Variants in DNAH9 observed in about 807,000 individuals in gnomAD.
DNAH9 encodes the protein dynein axonemal heavy chain 9, also known as DNAH9 variant protein.
A neutral mutation model predicts 471.6 loss-of-function variants in DNAH9; 345 were observed. That is an observed-to-expected ratio of 0.73 (90% confidence interval 0.67 to 0.80). DNAH9 has a LOEUF of 0.80. DNAH9 is among the 30% of genes least tolerant of loss of function. DNAH9 has a pLI of 0.00. For missense variants in DNAH9, 5,407 were observed against 5,609.2 expected, an observed-to-expected ratio of 0.96 and a Z score of 1.15; for synonymous variants, 2,093 against 2,123.6, an observed-to-expected ratio of 0.99 and a Z score of 0.40.
chr17:11,965,028 A>G (rs1012217040), intron 68 of DNAH9, among the ~76,000 whole-genome samples: 1 of 152,228 alleles, frequency 6.6e-6, no homozygotes, highest in Admixed American at 6.5e-5. Flanking sequence ...GAAGCAGTAG[A>G]TAATAGTGGT....
At chr17:11,757,423 TCTC>T in intron 34 of DNAH9, 119 bp from the exon 35 acceptor site, 1 of 930,732 alleles carries the variant, frequency 1.1e-6, no homozygotes, top group South Asian at 1.8e-5. Flanking sequence ...CTTGGCCAAA[TCTC>T]CTTTTCTTTT....
At chr17:11,825,454 T>A (rs1452538457) in intron 48 of DNAH9, among the ~76,000 whole-genome samples, 1 of 152,180 alleles carries the variant, frequency 6.6e-6, no homozygotes, top group Non-Finnish European at 1.5e-5. Flanking sequence ...ATAGGAAAAA[T>A]ACTTTGATCC....
chr17:11,956,186 G>T (rs1220447908), intron 67 of DNAH9, among the ~76,000 whole-genome samples: 4 of 152,018 alleles, frequency 2.6e-5, no homozygotes, highest in African/African-American at 9.7e-5. Context: ...TCAAAAGAAA[G>T]TTGTAGAGGC....
chr17:11,856,826 C>G (rs1308525646), intron 50 of DNAH9, among the ~76,000 whole-genome samples: 2 of 152,124 alleles, frequency 1.3e-5, no homozygotes, highest in South Asian at 4.1e-4. Context: ...ACAATTGCTC[C>G]CTTCAAAGAA....
intron 59 of DNAH9, among the ~76,000 whole-genome samples, chr17:11,901,800 T>C (rs1417498826): frequency 6.6e-6 from 1 of 152,222 alleles, no homozygotes; most frequent in East Asian, 1.9e-4. Flanking sequence ...AGTTTATGAA[T>C]TTGTATTGGG....
intron 28 of DNAH9, among the ~76,000 whole-genome samples, chr17:11,732,825 C>T (rs1478797580): frequency 6.6e-6 from 1 of 152,144 alleles, no homozygotes; most frequent in Middle Eastern, 3.2e-3. Flanking sequence ...GCCAGGCCTT[C>T]CTGGCACTTT....
intron 36 of DNAH9, among the ~76,000 whole-genome samples, chr17:11,766,159 C>CA (rs1242699504): frequency 1.3e-5 from 2 of 151,914 alleles, no homozygotes; most frequent in Non-Finnish European, 2.9e-5. Flanking sequence ...AGCTAAACAC[C>CA]AAAAATAGTG....
intron 67 of DNAH9, among the ~76,000 whole-genome samples, chr17:11,952,228 C>T (rs1975399122): frequency 6.9e-6 from 1 of 145,638 alleles, no homozygotes; most frequent in Non-Finnish European, 1.5e-5. Context: ...CAACCTCTAC[C>T]TTCTAGGTTC....
chr17:11,615,295 A>G (rs1189757233), intron 4 of DNAH9, among the ~76,000 whole-genome samples: 1 of 152,172 alleles, frequency 6.6e-6, no homozygotes, highest in Non-Finnish European at 1.5e-5. Flanking sequence ...TTAAAAAGGT[A>G]TGAGCTCGGC....
rs1192529545 is a variant in DNAH9 at position 11,859,082 on chromosome 17, CT to C, written c.9933+4655del. ...ATGGGCAGCAAGAGGGAAACCCCGT[CT>C]CAAAAAAAAAAAAAAAAAAAAAGAG... is the stretch of plus-strand genomic sequence containing the variant. On this transcript the variant is annotated intron_variant, in intron 50 of 68. Transcript: ENST00000262442. Among the ~76,000 whole-genome samples, 15 of 73,152 alleles carry C rather than the reference CT, an allele frequency of 2.1e-4. 1 individual carries two copies. The highest frequency in any genetic ancestry group is 0.011 in the Middle Eastern group (1 of 92). The allele number at this position is 73,152 out of a possible 152,430, so 48.0% of individuals were successfully genotyped here.
At chr17:11,857,827 C>T (rs1192713092) in intron 50 of DNAH9, among the ~76,000 whole-genome samples, 1 of 152,068 alleles carries the variant, frequency 6.6e-6, no homozygotes, top group African/African-American at 2.4e-5. Flanking sequence ...GCACCTGCCC[C>T]CCGCAACTCC....
At position 11,891,759 on chromosome 17, in the gene DNAH9, C is replaced by T. The variant is rs757330007; in HGVS notation, c.11113-18C>T. The stretch of plus-strand genomic sequence containing the variant: ...AGAGGGCTGTGTACCTTACCAGTTT[C>T]CTGTCTTCTGTCCCCAGGCCTTCAG... On this transcript the variant is annotated intron_variant, in intron 57 of 68. Transcript: ENST00000262442. 6.2e-7 allele frequency: 1 copy of T among 1,612,668 alleles called. No homozygotes were observed. The highest frequency in any genetic ancestry group is 1.3e-5 in the African/African-American group (1 of 74,844).
intron 6 of DNAH9, 48 bp downstream of exon 6, chr17:11,619,829 C>A: frequency 8.7e-7 from 1 of 1,148,642 alleles, no homozygotes; most frequent in Admixed American, 1.7e-5. Flanking sequence ...CAGAAAGAAG[C>A]AGTCCAGGGG....
rs753883115 is a variant in DNAH9, at chr17:11,769,304, C to G, written c.7527C>G (p.Tyr2509Ter). The change falls in exon 38 of 69, where the codon TAC (tyrosine) becomes TAG (stop). Residue 2509 changes from tyrosine to a stop codon, truncating the protein, a stop_gained. Transcript: ENST00000262442. LOFTEE classifies it high-confidence loss of function. ...TGGTGAAAAACGTGCCATTCAACTA[C>G]TACACCACGTCAGCAATGCTGCAGG... ...AYLVKNVPFNYYTTSAMLQAV... is the reference protein window; with the variant it reads ...AYLVKNVPFN 3 of 1,613,650 alleles carry G rather than the reference C, an allele frequency of 1.9e-6. No individual in the cohort carries two copies. In the Admixed American group the frequency reaches 5.0e-5, roughly 27 times the overall value.
intron 20 of DNAH9, 55 bp downstream of exon 20, chr17:11,690,491 A>G: frequency 6.6e-7 from 1 of 1,508,156 alleles, no homozygotes; most frequent in South Asian, 1.2e-5. Context: ...GGTGAAGGGA[A>G]GGTCACCCAG....
Position 11,937,239 on chromosome 17 carries a change from G to GTAGA in DNAH9, c.12490-112_12490-111insAGAT. ...AAGTCAACCAGGGATGGTGAGCAGT[G>GTAGA]TCCCCTGGAGGAGGGATACTAGCCC... On this transcript the variant is annotated intron_variant, in intron 65 of 68. Transcript: ENST00000262442. The surrounding 1 kb of genome is among the most constrained non-coding windows in gnomAD (Gnocchi z 4.1). The GTAGA allele has an allele frequency of 2.3e-6, 3 of 1,283,312 alleles. No homozygotes were observed. The highest frequency in any genetic ancestry group is 1.7e-5 in the South Asian group (1 of 59,022). 79.5% of individuals were successfully genotyped at this position (1,283,312 alleles called of 1,614,324 possible). A position where few individuals can be genotyped will look rare whatever the true frequency, so the allele number is the denominator to read the frequency against.
In DNAH9 at chr17:11,937,551, G is replaced by A. The variant is rs767382904; in HGVS notation, c.12660+29G>A. 24 of 1,580,012 alleles carry A rather than the reference G, an allele frequency of 1.5e-5. No individual in the cohort carries two copies. Among genetic ancestry groups the A allele is most frequent in the East Asian group, 6.8e-5 (3 of 44,404 alleles). ...TGTGTGGTGGGGACTGCCTGAGGTCGTTCTGGGGGACCCCGAGGATCATAG... is the reference window on the plus strand; with the variant it reads ...TGTGTGGTGGGGACTGCCTGAGGTCATTCTGGGGGACCCCGAGGATCATAG... On this transcript the variant is annotated intron_variant, in intron 66 of 68. Transcript: ENST00000262442. The surrounding 1 kb of genome is among the most constrained non-coding windows in gnomAD (Gnocchi z 4.1).
At position 11,690,069 on chromosome 17, in the gene DNAH9, A is replaced by G. The variant is rs191732050; in HGVS notation, c.4247A>G (p.Tyr1416Cys). 4.3e-4 allele frequency: 700 copies of G among 1,614,184 alleles called. 4 individuals are homozygous for G. The highest frequency in any genetic ancestry group is 3.4e-4 in the Non-Finnish European group (399 of 1,180,026). The change falls in exon 20 of 69, where the codon TAT (tyrosine) becomes TGT (cysteine). Residue 1416 changes from tyrosine (Y) to cysteine (C), a missense_variant. By Grantham distance (194) the Tyr-to-Cys change is radical. Coordinates refer to ENST00000262442, the MANE Select transcript of DNAH9 (RefSeq NM_001372.4). ...CTGCTGCAGCTCCAGCTGCACCACT[A>G]TGAGGATGAGGTCCGGGGCATTGTG... ...AHLLQLQLHH[Y>C]EDEVRGIVDK...
intron 60 of DNAH9, among the ~76,000 whole-genome samples, chr17:11,905,286 A>G (rs867590436): frequency 2.5e-4 from 38 of 151,916 alleles, no homozygotes; most frequent in African/African-American, 8.7e-4. Flanking sequence ...AATCTTGGGC[A>G]AGGCTGGTAG....
Sources: gnomAD v4.1 joint callset for allele counts (sites outside exome capture counted in the v4.1 genomes callset) on GRCh38, gnomAD v4.1.1 for gene constraint, Gnocchi (gnomAD v3.1) non-coding constraint, MANE v1.5 for transcripts, NCBI Gene and HGNC (gene_info 2026-07-23, HGNC 2026-07-21) for gene names.